SQOR: variants seen among roughly 807,000 people sequenced by gnomAD.
The protein encoded by SQOR is sulfide:quinone oxidoreductase, mitochondrial.
In SQOR, 39 loss-of-function variants were observed where a neutral mutation model predicts 48.6. The ratio of observed to expected loss-of-function variants is 0.80; its 90% confidence interval spans 0.62 to 1.05. SQOR has a LOEUF of 1.05. Ranked by LOEUF, SQOR falls within the 50% of genes least tolerant of loss-of-function variation. The pLI is 0.00. For synonymous variants in SQOR, 220 were observed against 206.2 expected, an observed-to-expected ratio of 1.07 and a Z score of -0.57; for missense variants, 561 against 559.9, an observed-to-expected ratio of 1.00 and a Z score of -0.02.
At chr15:45,690,828 ATC>A (rs1322233925) in intron 9 of SQOR, 143 bp from the exon 10 acceptor site, 2 of 742,240 alleles carry the variant, frequency 2.7e-6, no homozygotes, top group Non-Finnish European at 4.9e-6. Flanking sequence ...TAGTCATGGG[ATC>A]TCTCCAACTC....
intron 7 of SQOR, among the ~76,000 whole-genome samples, chr15:45,685,078 A>T (rs1890198107): frequency 6.6e-6 from 1 of 152,200 alleles, no homozygotes; most frequent in South Asian, 2.1e-4. Flanking sequence ...AGGTTGGTGC[A>T]AAAGTAATTG....
intron 9 of SQOR, among the ~76,000 whole-genome samples, chr15:45,690,416 A>G (rs893357922): frequency 1.3e-5 from 2 of 152,144 alleles, no homozygotes; most frequent in Admixed American, 6.5e-5. Flanking sequence ...TTCTAAACCC[A>G]TATGAGAGAG....
At chr15:45,632,118 A>C (rs1250345855), upstream of SQOR, 1 of 152,154 alleles carries the variant, frequency 6.6e-6, no homozygotes, top group Admixed American at 6.5e-5. Context: ...AGGGCTCTTG[A>C]GTGAGATAGT....
chr15:45,636,408 T>TC (rs1396065368), intron 1 of SQOR, among the ~76,000 whole-genome samples: 2 of 111,820 alleles, frequency 1.8e-5, no homozygotes, highest in Non-Finnish European at 3.7e-5. Context: ...TCTTTCTTCT[T>TC]TTTTTTTTTT....
chr15:45,645,970 G>T (rs544820555), intron 1 of SQOR: 18 of 152,184 alleles, frequency 1.2e-4, no homozygotes, highest in Admixed American at 3.3e-4. Context: ...TTCTAAAAGA[G>T]ATCGCAGAAC....
intron 1 of SQOR, among the ~76,000 whole-genome samples, chr15:45,651,442 GA>G (rs1165532639): frequency 6.6e-6 from 1 of 152,228 alleles, no homozygotes; most frequent in Non-Finnish European, 1.5e-5. Context: ...CCAGCCCATA[GA>G]GGGGCCCCCA....
chr15:45,679,383 T>A (rs1890087583), intron 6 of SQOR, among the ~76,000 whole-genome samples: 1 of 152,118 alleles, frequency 6.6e-6, no homozygotes, highest in Admixed American at 6.6e-5. Context: ...TAATGACTAA[T>A]GTTCAACCAG....
chr15:45,658,308 A>G (rs1213979680), intron 1 of SQOR, among the ~76,000 whole-genome samples: 3 of 152,114 alleles, frequency 2.0e-5, no homozygotes, highest in African/African-American at 4.8e-5. Flanking sequence ...TGATTACATT[A>G]TATTTCCCTG....
At chr15:45,656,462 T>C (rs979613846) in intron 1 of SQOR, among the ~76,000 whole-genome samples, 27 of 151,938 alleles carry the variant, frequency 1.8e-4, no homozygotes, top group African/African-American at 6.5e-4. Flanking sequence ...GCTAATTTTT[T>C]TTTTTTTTAA....
chr15:45,667,899 G>A (rs1889864157), intron 3 of SQOR, among the ~76,000 whole-genome samples: 1 of 150,492 alleles, frequency 6.6e-6, no homozygotes, highest in Non-Finnish European at 1.5e-5. Flanking sequence ...TACAGAAGAT[G>A]GAATTTCAAT....
At chr15:45,674,790 G>T (rs1021534202) in intron 5 of SQOR, among the ~76,000 whole-genome samples, 1 of 152,218 alleles carries the variant, frequency 6.6e-6, no homozygotes, top group Non-Finnish European at 1.5e-5. Context: ...AAGGGAAGCT[G>T]TTCTTGCCCT....
rs1241447298 is a variant in SQOR at position 45,669,288 on chromosome 15, GC to G, written c.406-634del. 3.3e-5 allele frequency among the ~76,000 whole-genome samples: 5 copies of G among 151,742 alleles called. No individual in the cohort carries two copies. In the South Asian group the frequency reaches 8.3e-4, roughly 25 times the overall value. On this transcript the variant is annotated intron_variant, in intron 3 of 9. Coordinates refer to ENST00000260324, the MANE Select transcript of SQOR (RefSeq NM_021199.4). Reference sequence around the variant, plus strand: ...AGGCTCAAGCGATTCTCCCACTTCAGCCCCCCTGGGGACTACAGGTGCATGC... The same window carrying G: ...AGGCTCAAGCGATTCTCCCACTTCAGCCCCCTGGGGACTACAGGTGCATGC...
chr15:45,650,539 A>G (rs1889462104), intron 1 of SQOR, among the ~76,000 whole-genome samples: 1 of 152,132 alleles, frequency 6.6e-6, no homozygotes, highest in Non-Finnish European at 1.5e-5. Context: ...GCAAAAGAAG[A>G]AAGCATCCAC....
At chr15:45,669,320 C>T (rs1237600634) in intron 3 of SQOR, among the ~76,000 whole-genome samples, 3 of 151,972 alleles carry the variant, frequency 2.0e-5, no homozygotes, top group East Asian at 1.9e-4. Flanking sequence ...CATGCCACCG[C>T]ACCTAGGTAA....
upstream of SQOR, chr15:45,634,899 G>C (rs1894969316): frequency 1.3e-5 from 2 of 152,552 alleles, no homozygotes; most frequent in Admixed American, 6.5e-5. Context: ...GCCCTGGTGT[G>C]TTCACTGACC....
At chr15:45,651,758 C>T (rs370166225) in intron 1 of SQOR, among the ~76,000 whole-genome samples, 37 of 152,226 alleles carry the variant, frequency 2.4e-4, no homozygotes, top group South Asian at 8.4e-4. Context: ...CATGAGCCAC[C>T]GTACCCGGCC....
intron 2 of SQOR, 138 bp downstream of exon 2, chr15:45,659,295 C>A: frequency 1.7e-6 from 1 of 598,340 alleles, no homozygotes; most frequent in Non-Finnish European, 2.6e-6. Flanking sequence ...TTCTCCTGGG[C>A]ACAGAAAGCA....
intron 1 of SQOR, among the ~76,000 whole-genome samples, chr15:45,651,872 C>G (rs1360127113): frequency 6.6e-6 from 1 of 151,962 alleles, no homozygotes; most frequent in Non-Finnish European, 1.5e-5. Context: ...CCTTCTCCTC[C>G]TTCTCCTTCT....
intron 3 of SQOR, among the ~76,000 whole-genome samples, chr15:45,665,796 C>T (rs1889806030): frequency 6.6e-6 from 1 of 152,194 alleles, no homozygotes; most frequent in Admixed American, 6.5e-5. Context: ...GTTGGCCAGG[C>T]TGGTCTCAAA....
Sources: allele counts gnomAD v4.1 joint callset (sites outside exome capture counted in the v4.1 genomes callset), GRCh38; gene constraint gnomAD v4.1.1; transcripts MANE v1.5; gene names NCBI Gene and HGNC (gene_info 2026-07-23, HGNC 2026-07-21).